NDUFAF7: variants seen among roughly 807,000 people sequenced by gnomAD.
NDUFAF7 encodes the protein protein arginine methyltransferase NDUFAF7, mitochondrial.
A neutral mutation model predicts 47.2 loss-of-function variants in NDUFAF7; 48 were observed. The ratio of observed to expected loss-of-function variants is 1.02; its 90% CI spans 0.81 to 1.29. The LOEUF is 1.29. NDUFAF7 is among the 50% of genes most tolerant of loss of function. NDUFAF7 has a pLI of 0.00. For missense variants in NDUFAF7, 635 were observed against 537.6 expected, an observed-to-expected ratio of 1.18 and a Z score of -1.79; for synonymous variants, 217 against 190.0, an observed-to-expected ratio of 1.14 and a Z score of -1.17.
Position 37,242,690 on chromosome 2 carries a change from T to C in NDUFAF7, c.678T>C (p.Phe226=), listed in dbSNP as rs148412716. ...EFFDVLPVHK[F]QKTPQGWREV... ...TTGATGTTCTTCCTGTGCATAAATT[T>C]CAGGTATTGAGGGGGGAAAAAAGTC... The change falls in exon 6 of 10, where the codon TTT becomes TTC. Residue 226 remains phenylalanine, a synonymous_variant. Transcript: ENST00000002125. 6.9e-4 allele frequency: 1,096 copies of C among 1,598,168 alleles called. 10 individuals carry two copies. The East Asian group carries it at 0.022, about 32-fold the overall frequency.
chr2:37,247,912 G>A (rs1207123909), intron 9 of NDUFAF7, among the ~76,000 whole-genome samples: 6 of 152,184 alleles, frequency 3.9e-5, no homozygotes, highest in African/African-American at 1.4e-4. Flanking sequence ...AAACCTTACT[G>A]TAGATCAAAC....
At chr2:37,246,012 G>T (rs1666858067) in intron 7 of NDUFAF7, 40 bp from the exon 8 acceptor site, 1 of 1,609,274 alleles carries the variant, frequency 6.2e-7, no homozygotes, top group African/African-American at 1.3e-5. Flanking sequence ...TCATTCTTTT[G>T]AATGATGCAT....
Position 37,246,120 on chromosome 2 carries a change from A to G in NDUFAF7, c.861A>G (p.Gln287=), listed in dbSNP as rs781124085. ...GTGTTATCATCGAGGAACTTTCTCA[A>G]CGCATTGCATTAACTGGAGGTGCTG... ...DAGVIIEELS[Q]RIALTGGAAL... Residue 287 remains glutamine (Q), a synonymous_variant, in exon 8 of 10, where the codon CAA becomes CAG. Transcript: ENST00000002125. 1.2e-6 allele frequency: 2 copies of G among 1,613,930 alleles called. No homozygotes were observed. Among genetic ancestry groups the G allele is most frequent in the Non-Finnish European group, 1.7e-6 (2 of 1,179,870 alleles).
chr2:37,259,682 C>G, the NDUFAF7 span: 2 of 1,601,014 alleles, frequency 1.2e-6, no homozygotes, highest in Admixed American at 1.7e-5. Context: ...CAACAAGTAT[C>G]TGTTATGAAA....
chr2:37,269,384 T>G, the NDUFAF7 span: 3 of 525,200 alleles, frequency 5.7e-6, no homozygotes, highest in Middle Eastern at 5.1e-4. Context: ...CAAGAAGAGA[T>G]AAAACACACT....
downstream of NDUFAF7, chr2:37,256,654 TTTTTTACCTTCACCAGAAA>T: frequency 7.3e-7 from 1 of 1,377,262 alleles, no homozygotes; most frequent in African/African-American, 1.7e-5. Flanking sequence ...TTTTTTTTTT[TTTTTTACCTTCACCAGAAA>T]TTTCTCTCCA....
chr2:37,232,296 CCT>C, intron 2 of NDUFAF7, 30 bp downstream of exon 2: 4 of 1,611,742 alleles, frequency 2.5e-6, no homozygotes, highest in Non-Finnish European at 2.5e-6. Context: ...AGGACTAGGC[CCT>C]CTCTAGCCGA....
the NDUFAF7 span, among the ~76,000 whole-genome samples, chr2:37,263,866 T>C: frequency 6.6e-6 from 1 of 152,210 alleles, no homozygotes; most frequent in Non-Finnish European, 1.5e-5. Context: ...TCACTTCTGT[T>C]AATCATTTTT....
downstream of NDUFAF7, among the ~76,000 whole-genome samples, chr2:37,255,834 C>T (rs902991854): frequency 6.6e-6 from 1 of 152,002 alleles, no homozygotes; most frequent in African/African-American, 2.4e-5. Flanking sequence ...AGTGGGACCC[C>T]ATCTCTACAA....
At chr2:37,263,541 T>C in the NDUFAF7 span, among the ~76,000 whole-genome samples, 4 of 152,196 alleles carry the variant, frequency 2.6e-5, no homozygotes, top group African/African-American at 9.6e-5. Flanking sequence ...GTTTTTAGTT[T>C]TTCTTTATAA....
downstream of NDUFAF7, chr2:37,256,654 TTTTTTAC>T: frequency 7.3e-7 from 1 of 1,377,258 alleles, no homozygotes; most frequent in Non-Finnish European, 9.4e-7. Context: ...TTTTTTTTTT[TTTTTTAC>T]CTTCACCAGA....
At chr2:37,261,285 G>A in the NDUFAF7 span, among the ~76,000 whole-genome samples, 2 of 151,858 alleles carry the variant, frequency 1.3e-5, no homozygotes, top group South Asian at 2.1e-4. Flanking sequence ...TCAGGAGTTC[G>A]AGACCAGCGT....
At chr2:37,252,557 A>G (rs928231736), downstream of NDUFAF7, 4 of 152,144 alleles carry the variant, frequency 2.6e-5, no homozygotes, top group African/African-American at 9.7e-5. Flanking sequence ...AAAGGTTAGG[A>G]ATCACTATTT....
rs1409524109 is a variant in NDUFAF7 at position 37,241,578 on chromosome 2, G to A, written c.409G>A (p.Val137Met). 1 of 1,611,872 alleles carries A rather than the reference G, an allele frequency of 6.2e-7. No individual in the cohort carries two copies. The highest frequency in any genetic ancestry group is 1.3e-5 in the African/African-American group (1 of 74,902). Residue 137 changes from valine (V) to methionine (M), a missense_variant and splice_region_variant, in exon 5 of 10, where the codon GTG (valine) becomes ATG (methionine). By Grantham distance (21) the Val-to-Met change is conservative (BLOSUM62 1). Coordinates refer to ENST00000002125, the MANE Select transcript of NDUFAF7 (RefSeq NM_144736.5). ...RGTLVGDILR[V>M]FTQLGSVLKN... is the part of the protein sequence containing the mutation. ...TTTTTTTTCTTCTTTTGGTATTTAG[G>A]TGTTCACTCAACTTGGATCTGTGCT... is the stretch of plus-strand genomic sequence containing the variant.
the NDUFAF7 span, chr2:37,268,638 T>C: frequency 4.2e-6 from 1 of 237,132 alleles, no homozygotes. Flanking sequence ...GGACAAGAAA[T>C]TTCCACAGAG....
chr2:37,266,953 T>C, the NDUFAF7 span, among the ~76,000 whole-genome samples: 1 of 152,238 alleles, frequency 6.6e-6, no homozygotes, highest in Non-Finnish European at 1.5e-5. Context: ...AAATGCTAGA[T>C]GAAAAACACA....
chr2:37,259,095 CTACA>C, the NDUFAF7 span, among the ~76,000 whole-genome samples: 5 of 151,606 alleles, frequency 3.3e-5, no homozygotes, highest in African/African-American at 4.8e-5. Flanking sequence ...TCAGAGAGTG[CTACA>C]TGTAGCCAGG....
downstream of NDUFAF7, among the ~76,000 whole-genome samples, chr2:37,257,911 A>G (rs1046139151): frequency 2.0e-5 from 3 of 152,158 alleles, no homozygotes; most frequent in African/African-American, 7.2e-5. Flanking sequence ...TTTAGATTTG[A>G]AAACAGTTAT....
At chr2:37,256,233 G>C (rs1004316781), downstream of NDUFAF7, among the ~76,000 whole-genome samples, 1 of 152,096 alleles carries the variant, frequency 6.6e-6, no homozygotes, top group Non-Finnish European at 1.5e-5. Flanking sequence ...AGTAGTGGGA[G>C]ATGAGGCTAG....
Sources: allele counts gnomAD v4.1 joint callset (sites outside exome capture counted in the v4.1 genomes callset), GRCh38; gene constraint gnomAD v4.1.1; transcripts MANE v1.5; gene names NCBI Gene and HGNC (gene_info 2026-07-23, HGNC 2026-07-21).